The following CMIP variants were observed in gnomAD, a reference collection of about 807,000 sequenced individuals.
The protein encoded by CMIP is C-Maf-inducing protein.
A neutral mutation model predicts 97.3 loss-of-function variants in CMIP; 13 were observed. That is an observed-to-expected ratio of 0.13 (90% CI 0.09 to 0.21). The LOEUF (loss-of-function observed/expected upper bound fraction) is 0.21, where lower values mean the gene tolerates loss of function less well. Ranked by LOEUF, CMIP falls within the 10% of genes least tolerant of loss-of-function variation. The pLI is 1.00. For missense variants in CMIP, 847 were observed against 1,024.9 expected, an observed-to-expected ratio of 0.83 and a Z score of 2.37; for synonymous variants, 538 against 436.3, an observed-to-expected ratio of 1.23 and a Z score of -2.91.
chr16:81,629,089 T>C lies in CMIP; in HGVS notation c.477+8163T>C, dbSNP rs534883977. ...AGGCGGAGGTTGCAGTGAGCCGAGA[T>C]GGTGCCACTATACTCCAGCCTGGGT... On this transcript the variant is annotated intron_variant, in intron 3 of 20. Transcript: ENST00000537098. Among the ~76,000 whole-genome samples, 311 of 126,202 alleles carry C rather than the reference T, an allele frequency of 2.5e-3. 2 individuals carry two copies. The highest frequency in any genetic ancestry group is 6.8e-3 in the Middle Eastern group (1 of 148). 82.8% of individuals were successfully genotyped at this position (126,202 alleles called of 152,430 possible).
At chr16:81,567,691 T>C (rs1424839041) in intron 1 of CMIP, among the ~76,000 whole-genome samples, 1 of 152,234 alleles carries the variant, frequency 6.6e-6, no homozygotes, top group African/African-American at 2.4e-5. Context: ...ACCCTCCTGC[T>C]CTGCCTCTCC....
At chr16:81,617,076 G>T (rs934982875) in intron 2 of CMIP, 39 of 152,340 alleles carry the variant, frequency 2.6e-4, no homozygotes, top group Non-Finnish European at 2.9e-5. Context: ...CACCAACGGT[G>T]TGACCAGGAG....
intron 3 of CMIP, among the ~76,000 whole-genome samples, chr16:81,624,418 T>A (rs7187703): frequency 0.52 from 78,257 of 151,326 alleles, 20,547 homozygotes; most frequent in African/African-American, 0.58. Context: ...GTGCACATAC[T>A]GTCAGAATAC....
chr16:81,529,855 C>A (rs188125613), intron 1 of CMIP, among the ~76,000 whole-genome samples: 50 of 152,296 alleles, frequency 3.3e-4, no homozygotes, highest in African/African-American at 1.1e-3. Flanking sequence ...CTGCCCACAC[C>A]TTGATTTTAG....
chr16:81,633,500 G>A (rs1451756079), intron 3 of CMIP, among the ~76,000 whole-genome samples: 1 of 152,244 alleles, frequency 6.6e-6, no homozygotes, highest in African/African-American at 2.4e-5. Context: ...CGGGACAGCC[G>A]GCTAACTCTG....
chr16:81,554,014 A>G (rs1333410077), intron 1 of CMIP, among the ~76,000 whole-genome samples: 1 of 152,320 alleles, frequency 6.6e-6, no homozygotes. Flanking sequence ...CAAATACTCA[A>G]CAGGAAGGCG....
rs779126018 is a variant in CMIP, at chr16:81,711,297, C to A, written c.*1498C>A. The A allele has an allele frequency of 6.6e-6, 1 of 151,880 alleles. No homozygotes were observed. Among genetic ancestry groups the A allele is most frequent in the Non-Finnish European group, 1.5e-5 (1 of 67,944 alleles). The allele number at this position is 151,880 out of a possible 1,614,324, so 9.4% of individuals were successfully genotyped here. A position where few individuals can be genotyped will look rare whatever the true frequency, so the allele number is the denominator to read the frequency against. ...TGTTTTATATATATTTAATCTTATTCAATGGAAACCATGCTTTTGTCGTTT... is the reference window on the plus strand; with the variant it reads ...TGTTTTATATATATTTAATCTTATTAAATGGAAACCATGCTTTTGTCGTTT... On this transcript the variant is annotated 3_prime_UTR_variant, in exon 21 of 21. Transcript: ENST00000537098.
intron 9 of CMIP, among the ~76,000 whole-genome samples, chr16:81,675,729 G>A (rs1468542001): frequency 3.3e-5 from 5 of 152,204 alleles, no homozygotes; most frequent in Non-Finnish European, 7.3e-5. Context: ...AGCAGAGAGA[G>A]GAAAGGGAAG....
chr16:81,496,799 T>C (rs1277626742), intron 1 of CMIP, among the ~76,000 whole-genome samples: 33 of 152,316 alleles, frequency 2.2e-4, no homozygotes, highest in Non-Finnish European at 2.9e-5. Context: ...TTCTTCCCAA[T>C]TAAAATGAGC....
chr16:81,632,599 G>A (rs567319144), intron 3 of CMIP, among the ~76,000 whole-genome samples: 218 of 152,312 alleles, frequency 1.4e-3, no homozygotes, highest in African/African-American at 4.9e-3. Flanking sequence ...AGGAAGGAGA[G>A]GTTTATTGAG....
At chr16:81,450,047 T>C (rs1054715130) in intron 1 of CMIP, among the ~76,000 whole-genome samples, 1 of 152,154 alleles carries the variant, frequency 6.6e-6, no homozygotes, top group Non-Finnish European at 1.5e-5. Flanking sequence ...GATTGACTGA[T>C]GTGGCGGCCC....
At chr16:81,589,296 C>G (rs1230407342) in intron 1 of CMIP, among the ~76,000 whole-genome samples, 1 of 152,086 alleles carries the variant, frequency 6.6e-6, no homozygotes, top group African/African-American at 2.4e-5. Flanking sequence ...GGGGTTTCTC[C>G]ATGTTACCCT....
chr16:81,640,738 ATGTG>A (rs751455480), intron 3 of CMIP, among the ~76,000 whole-genome samples: 3,893 of 138,962 alleles, frequency 0.028, 178 homozygotes, highest in African/African-American at 0.097. Context: ...TCTCTGGAGC[ATGTG>A]TGTGTGTGTG....
rs1905765645 is a variant in CMIP, at chr16:81,445,368, G to T, written c.127G>T (p.Ala43Ser). 6.2e-7 allele frequency: 1 copy of T among 1,604,410 alleles called. No homozygotes were observed. Among genetic ancestry groups the T allele is most frequent in the Non-Finnish European group, 8.5e-7 (1 of 1,175,854 alleles). The change falls in exon 1 of 21, where the codon GCT becomes TCT. Residue 43 changes from alanine to serine, a missense_variant. Ala to Ser is a moderately conservative substitution (Grantham distance 99, BLOSUM62 1). Transcript: ENST00000537098. ...GATGGGCGCCGTGCCCTGCCGCCGG[G>T]CTCTTCTGCTTTGCAACGGGATGAG... The part of the protein sequence containing the change: ...TKMGAVPCRR[A>S]LLLCNGMRYK...
intron 3 of CMIP, chr16:81,645,517 T>C (rs1469072302): frequency 1.0e-5 from 16 of 1,535,836 alleles, no homozygotes; most frequent in South Asian, 1.2e-5. Flanking sequence ...AGCAACAGGC[T>C]CTGCTTTCCC....
At chr16:81,555,389 C>T (rs1231707583) in intron 1 of CMIP, among the ~76,000 whole-genome samples, 3 of 152,140 alleles carry the variant, frequency 2.0e-5, no homozygotes, top group African/African-American at 4.8e-5. Context: ...GAGAGGAATC[C>T]GGACCCATGG....
intron 1 of CMIP, among the ~76,000 whole-genome samples, chr16:81,478,406 G>C (rs1412126675): frequency 6.6e-6 from 1 of 152,222 alleles, no homozygotes; most frequent in East Asian, 1.9e-4. Context: ...CCTGTATGGA[G>C]AGGAGCAGCC....
At chr16:81,601,427 A>C (rs991147323) in intron 1 of CMIP, among the ~76,000 whole-genome samples, 1 of 152,080 alleles carries the variant, frequency 6.6e-6, no homozygotes. Flanking sequence ...TGGGGGGGTC[A>C]GCTCACCCCA....
intron 10 of CMIP, among the ~76,000 whole-genome samples, chr16:81,690,559 A>C (rs1314722173): frequency 6.6e-6 from 1 of 152,196 alleles, no homozygotes; most frequent in Non-Finnish European, 1.5e-5. Context: ...GCTAGAGTGC[A>C]GTGGGGTGAT....
Sources: gnomAD v4.1 joint callset for allele counts (sites outside exome capture counted in the v4.1 genomes callset) on GRCh38, gnomAD v4.1.1 for gene constraint, MANE v1.5 for transcripts, NCBI Gene and HGNC (gene_info 2026-07-23, HGNC 2026-07-21) for gene names.